The following LIG1 variants were observed in gnomAD, a reference collection of about 807,000 sequenced individuals.
The protein encoded by LIG1 is ligase I, DNA, ATP-dependent.
A neutral mutation model predicts 115.7 loss-of-function variants in LIG1; 70 were observed. That is an observed-to-expected ratio of 0.60 (90% CI 0.50 to 0.74). The LOEUF is 0.74. Among genes scored for constraint, LIG1 ranks in the 30% least tolerant of loss-of-function variants. The pLI is 0.00. For missense variants in LIG1, 1,115 were observed against 1,225.6 expected (o/e 0.91, Z 1.35); for synonymous variants, 487 against 495.3 (o/e 0.98, Z 0.22).
At chr19:48,147,670 ACAAAAAACC>A (rs2035204722) in intron 9 of LIG1, among the ~76,000 whole-genome samples, 3 of 147,232 alleles carry the variant, frequency 2.0e-5, no homozygotes, top group South Asian at 4.2e-4. Context: ...GAAACAAAAA[ACAAAAAACC>A]CAAAAAACCT....
In LIG1 at chr19:48,143,234, T is replaced by C. The variant is rs1255050085; in HGVS notation, c.914+309A>G. 2.0e-5 allele frequency among the ~76,000 whole-genome samples: 3 copies of C among 152,170 alleles called. No individual in the cohort carries two copies. The East Asian group carries it at 5.8e-4, about 29-fold the overall frequency. ...CAAGACTGAAGTCACTTTTGATGAC[T>C]CAGGGTGGACTAGAAGTAATCACGG... is the stretch of plus-strand genomic sequence containing the variant. On this transcript the variant is annotated intron_variant, in intron 11 of 27. Coordinates refer to ENST00000263274, the MANE Select transcript of LIG1 (RefSeq NM_000234.3).
intron 12 of LIG1, among the ~76,000 whole-genome samples, chr19:48,139,622 C>T (rs1277025814): frequency 6.6e-6 from 1 of 152,172 alleles, no homozygotes; most frequent in Non-Finnish European, 1.5e-5. Context: ...CCACTCCTTC[C>T]AATCCCTCCA....
intron 2 of LIG1, among the ~76,000 whole-genome samples, chr19:48,163,611 C>T (rs1427379052): frequency 6.6e-6 from 1 of 151,978 alleles, no homozygotes. Flanking sequence ...GAAGCTAACA[C>T]TCTGGTGAAG....
chr19:48,154,142 G>A (rs1482636347), intron 5 of LIG1, 175 bp from the exon 6 acceptor site: 10 of 669,174 alleles, frequency 1.5e-5, no homozygotes, highest in Non-Finnish European at 2.2e-5. Flanking sequence ...CCTGCTTCCT[G>A]GCTGTGTGAC....
chr19:48,117,684 C>T lies in LIG1; in HGVS notation c.2537G>A (p.Cys846Tyr). ...GATGGGAGAGAGGGAGAGGTCAGCG[C>T]ACTTCACCTCCCACACAGCGCTGGG... ...LDPSAVWEVKCADLSLSPIYP... is the reference protein window; with the variant it reads ...LDPSAVWEVKYADLSLSPIYP... Residue 846 changes from cysteine to tyrosine, a missense_variant, in exon 26 of 28, where the codon TGC becomes TAC. Transcript: ENST00000263274. 1 of 1,612,618 alleles carries T rather than the reference C, an allele frequency of 6.2e-7. No homozygotes were observed. The highest frequency in any genetic ancestry group is 8.5e-7 in the Non-Finnish European group (1 of 1,179,610).
chr19:48,148,152 G>A (rs2122795548), intron 9 of LIG1, among the ~76,000 whole-genome samples: 2 of 152,302 alleles, frequency 1.3e-5, no homozygotes, highest in East Asian at 1.9e-4. Context: ...TAGGGACAGT[G>A]TTGTAGGCCG....
chr19:48,160,651 A>G (rs988632329), intron 4 of LIG1, among the ~76,000 whole-genome samples: 2 of 152,198 alleles, frequency 1.3e-5, no homozygotes, highest in African/African-American at 4.8e-5. Flanking sequence ...AAACAGGGGA[A>G]GAGAGTGGTC....
chr19:48,145,361 T>A (rs990169126), intron 9 of LIG1, among the ~76,000 whole-genome samples: 2 of 152,006 alleles, frequency 1.3e-5, no homozygotes, highest in African/African-American at 4.8e-5. Context: ...AGCTAAGGGG[T>A]CCCTACTATG....
chr19:48,124,885 G>A (rs563251138), intron 21 of LIG1, among the ~76,000 whole-genome samples: 2 of 152,034 alleles, frequency 1.3e-5, no homozygotes, highest in Admixed American at 6.6e-5. Flanking sequence ...TGTGGTGGTG[G>A]GTGCCTGTAA....
intron 11 of LIG1, among the ~76,000 whole-genome samples, chr19:48,141,142 T>C (rs1039388480): frequency 6.6e-6 from 1 of 152,224 alleles, no homozygotes; most frequent in Non-Finnish European, 1.5e-5. Context: ...CTTTGAGCAC[T>C]TTGCACCTTT....
chr19:48,138,742 T>G (rs1391341644), intron 12 of LIG1, among the ~76,000 whole-genome samples: 5 of 152,210 alleles, frequency 3.3e-5, no homozygotes, highest in Non-Finnish European at 5.9e-5. Context: ...AGCCAGCATC[T>G]GCAACTTCTT....
chr19:48,117,079 C>T (rs1021297499), intron 26 of LIG1, among the ~76,000 whole-genome samples: 10 of 152,104 alleles, frequency 6.6e-5, no homozygotes, highest in Non-Finnish European at 1.5e-4. Context: ...AGTGATCTGC[C>T]TGCCTCGGCC....
intron 18 of LIG1, among the ~76,000 whole-genome samples, chr19:48,132,183 C>T (rs1017883071): frequency 1.3e-5 from 2 of 152,194 alleles, no homozygotes; most frequent in Middle Eastern, 3.4e-3. Flanking sequence ...CCTGTAACTG[C>T]CCCGAGCCCT....
intron 21 of LIG1, 182 bp from the exon 22 acceptor site, chr19:48,123,500 T>C: frequency 1.4e-6 from 1 of 699,888 alleles, no homozygotes; most frequent in East Asian, 2.7e-5. Context: ...ATGGGGCTAG[T>C]CACTGGCAAG....
intron 19 of LIG1, 80 bp from the exon 20 acceptor site, chr19:48,128,100 C>T: frequency 9.0e-7 from 1 of 1,115,088 alleles, no homozygotes; most frequent in Non-Finnish European, 1.4e-6. Context: ...AGATAAATTC[C>T]CTTTTCCTTC....
Position 48,137,756 on chromosome 19 carries a change from C to A in LIG1, c.1088-68G>T. On this transcript the variant is annotated intron_variant, in intron 12 of 27. Transcript: ENST00000263274. This position sits in a 1 kb window ranked among gnomAD's most constrained non-coding sequence, Gnocchi z 4.3. ...GTGGCTGCGTGTCTCCCTTCTCTCG[C>A]GGCCTGGATGAATTTTCTCCAGCTG... is the stretch of plus-strand genomic sequence containing the variant. The A allele has an allele frequency of 6.4e-7, 1 of 1,570,606 alleles. No individual in the cohort carries two copies. Among genetic ancestry groups the A allele is most frequent in the Non-Finnish European group, 8.6e-7 (1 of 1,160,578 alleles).
chr19:48,117,906 AG>A, intron 25 of LIG1, 125 bp from the exon 26 acceptor site: 1 of 944,734 alleles, frequency 1.1e-6, no homozygotes, highest in South Asian at 1.4e-5. Flanking sequence ...AAACAGAAAT[AG>A]GAAGTGAAAT....
chr19:48,149,850 G>A lies in LIG1; in HGVS notation c.698-9C>T, dbSNP rs772753423. 31 of 1,613,370 alleles carry A rather than the reference G, an allele frequency of 1.9e-5. No homozygotes were observed. Among genetic ancestry groups the A allele is most frequent in the Non-Finnish European group, 2.6e-5 (31 of 1,179,728 alleles). On this transcript the variant is annotated splice_polypyrimidine_tract_variant and intron_variant, in intron 8 of 27. Coordinates refer to ENST00000263274, the MANE Select transcript of LIG1 (RefSeq NM_000234.3). ...TGCTGGCTTCCGGGGGGCTAGGAAT[G>A]AAGACAGAAAACAGTGGGTCTTTTC... is the stretch of plus-strand genomic sequence containing the variant.
chr19:48,130,658 G>A (rs1599765998), intron 19 of LIG1, among the ~76,000 whole-genome samples: 1 of 152,358 alleles, frequency 6.6e-6, no homozygotes, highest in South Asian at 2.1e-4. Context: ...TGCAGTCCAC[G>A]GCGGGGGAGG....
Sources: gnomAD v4.1 joint callset for allele counts (sites outside exome capture counted in the v4.1 genomes callset) on GRCh38, gnomAD v4.1.1 for gene constraint, Gnocchi (gnomAD v3.1) non-coding constraint, MANE v1.5 for transcripts, NCBI Gene and HGNC (gene_info 2026-07-23, HGNC 2026-07-21) for gene names.